Variants in RANBP17 observed in about 807,000 individuals in gnomAD.
RANBP17 encodes RAN binding protein 17, also known as ran-binding protein 17.
A neutral mutation model predicts 141.2 loss-of-function variants in RANBP17; 158 were observed. That is an observed-to-expected ratio of 1.12 (90% CI 0.98 to 1.28). The LOEUF (loss-of-function observed/expected upper bound fraction) is 1.28. Among genes scored for constraint, RANBP17 ranks in the 50% most tolerant of loss-of-function variants. The pLI is 0.00. For synonymous variants in RANBP17, 430 were observed against 450.0 expected, an observed-to-expected ratio of 0.96 and a Z score of 0.56; for missense variants, 1,438 against 1,290.7, an observed-to-expected ratio of 1.11 and a Z score of -1.75.
chr5:171,146,812 T>A (rs887417053), intron 14 of RANBP17, among the ~76,000 whole-genome samples: 1 of 152,154 alleles, frequency 6.6e-6, no homozygotes, highest in African/African-American at 2.4e-5. Flanking sequence ...GGCTAAGAAG[T>A]CTACTTTTTA....
At chr5:171,216,754 T>C (rs1373090637) in intron 21 of RANBP17, among the ~76,000 whole-genome samples, 1 of 152,222 alleles carries the variant, frequency 6.6e-6, no homozygotes, top group Admixed American at 6.5e-5. Context: ...TTTTGCACAT[T>C]GATTTTGTAT....
At chr5:170,974,914 C>T (rs1481798950) in intron 14 of RANBP17, among the ~76,000 whole-genome samples, 1 of 152,074 alleles carries the variant, frequency 6.6e-6, no homozygotes, top group African/African-American at 2.4e-5. Context: ...CCTGTGAGTA[C>T]CCATGGCCCT....
intron 14 of RANBP17, among the ~76,000 whole-genome samples, chr5:171,011,267 A>G (rs564233551): frequency 8.5e-5 from 13 of 152,126 alleles, no homozygotes; most frequent in African/African-American, 3.1e-4. Flanking sequence ...TTGCCATCAC[A>G]TAAGAATGTG....
At chr5:171,293,376 G>A (rs1342190463) in intron 25 of RANBP17, among the ~76,000 whole-genome samples, 1 of 152,356 alleles carries the variant, frequency 6.6e-6, no homozygotes, top group Admixed American at 6.5e-5. Context: ...AACGAAGAGT[G>A]AAGAGAAACC....
intron 4 of RANBP17, among the ~76,000 whole-genome samples, chr5:170,894,727 T>C (rs555340133): frequency 1.2e-4 from 19 of 152,172 alleles, no homozygotes; most frequent in Admixed American, 4.6e-4. Context: ...AACATACTTA[T>C]GTGTCTCCTT....
At chr5:171,055,844 G>A (rs1783311404) in intron 14 of RANBP17, among the ~76,000 whole-genome samples, 1 of 123,134 alleles carries the variant, frequency 8.1e-6, no homozygotes, top group African/African-American at 3.3e-5. Context: ...CAAAGCCTTG[G>A]CAAAACAACC....
At chr5:170,928,377 T>G (rs1773094196) in intron 12 of RANBP17, among the ~76,000 whole-genome samples, 1 of 152,158 alleles carries the variant, frequency 6.6e-6, no homozygotes, top group South Asian at 2.1e-4. Flanking sequence ...ACTTTTTTCT[T>G]TATGGCTTGA....
At chr5:171,175,373 C>T (rs553012102) in intron 16 of RANBP17, among the ~76,000 whole-genome samples, 2 of 152,228 alleles carry the variant, frequency 1.3e-5, no homozygotes, top group East Asian at 3.9e-4. Context: ...GAGGAATTGC[C>T]ACAGTGGTTG....
At chr5:171,046,646 T>G (rs1279805722) in intron 14 of RANBP17, among the ~76,000 whole-genome samples, 1 of 152,184 alleles carries the variant, frequency 6.6e-6, no homozygotes, top group African/African-American at 2.4e-5. Flanking sequence ...CAGCATATGA[T>G]ATGTAAGAAT....
intron 14 of RANBP17, among the ~76,000 whole-genome samples, chr5:171,008,623 C>G (rs1779820973): frequency 6.6e-6 from 1 of 152,154 alleles, no homozygotes; most frequent in African/African-American, 2.4e-5. Context: ...AAAGTACATT[C>G]TCAAGGGTGG....
Position 171,299,301 on chromosome 5 carries a change from T to A in RANBP17, c.*443T>A, listed in dbSNP as rs1433981710. The stretch of plus-strand genomic sequence containing the variant: ...CCTGTTAAATGAGTAGTTTGTTATG[T>A]GTCTGGAAGAAGCAGCGTTAGGGAC... On this transcript the variant is annotated 3_prime_UTR_variant, in exon 28 of 28. Coordinates refer to ENST00000523189, the MANE Select transcript of RANBP17 (RefSeq NM_022897.5). 3 of 236,522 alleles carry A rather than the reference T, an allele frequency of 1.3e-5. No homozygotes were observed. The highest frequency in any genetic ancestry group is 2.2e-5 in the African/African-American group (1 of 45,322). The allele number at this position is 236,522 out of a possible 1,614,324, so 14.7% of individuals were successfully genotyped here.
chr5:171,094,810 T>G (rs182165192), intron 14 of RANBP17, among the ~76,000 whole-genome samples: 1 of 152,342 alleles, frequency 6.6e-6, no homozygotes, highest in Admixed American at 6.5e-5. Flanking sequence ...TGTATTCATA[T>G]TGGCAAGTTT....
intron 25 of RANBP17, among the ~76,000 whole-genome samples, chr5:171,273,145 G>A (rs1428532666): frequency 2.6e-5 from 4 of 152,156 alleles, no homozygotes; most frequent in Non-Finnish European, 5.9e-5. Context: ...GAAGCACCAT[G>A]TGCTTTGCAT....
intron 22 of RANBP17, among the ~76,000 whole-genome samples, chr5:171,238,396 A>G (rs1764672933): frequency 2.0e-5 from 3 of 151,976 alleles, no homozygotes; most frequent in Non-Finnish European, 4.4e-5. Context: ...ATATTTCTTG[A>G]TGATAGATTA....
chr5:171,155,094 A>AATATATATATAT (rs1554106866), intron 14 of RANBP17, among the ~76,000 whole-genome samples: 3 of 74,958 alleles, frequency 4.0e-5, no homozygotes, highest in African/African-American at 1.6e-4. Context: ...AAAAAAAAAA[A>AATATATATATAT]ATATATATAT....
intron 14 of RANBP17, among the ~76,000 whole-genome samples, chr5:171,008,807 A>G (rs1779835382): frequency 6.6e-6 from 1 of 151,284 alleles, no homozygotes; most frequent in Admixed American, 6.6e-5. Flanking sequence ...GGCAGGTCAC[A>G]GGGGATATGA....
At chr5:171,102,977 A>G (rs974601720) in intron 14 of RANBP17, among the ~76,000 whole-genome samples, 2 of 152,066 alleles carry the variant, frequency 1.3e-5, no homozygotes, top group African/African-American at 2.4e-5. Context: ...TGGAAGCTTC[A>G]TCCCAGAGGG....
intron 14 of RANBP17, among the ~76,000 whole-genome samples, chr5:171,096,440 C>T (rs903783208): frequency 6.6e-6 from 1 of 152,000 alleles, no homozygotes; most frequent in Non-Finnish European, 1.5e-5. Flanking sequence ...AGAGGAAATC[C>T]GAGGAGAAAT....
chr5:171,215,187 GA>G (rs1763145168), intron 21 of RANBP17, among the ~76,000 whole-genome samples: 1 of 152,048 alleles, frequency 6.6e-6, no homozygotes, highest in Non-Finnish European at 1.5e-5. Flanking sequence ...AGTTTGCTGA[GA>G]ATGATGGCTT....
Sources: gnomAD v4.1 joint callset for allele counts (sites outside exome capture counted in the v4.1 genomes callset) on GRCh38, gnomAD v4.1.1 for gene constraint, MANE v1.5 for transcripts, NCBI Gene and HGNC (gene_info 2026-07-23, HGNC 2026-07-21) for gene names.